The following ABCD2 variants were observed in gnomAD, a reference collection of about 807,000 sequenced individuals.
ABCD2 encodes ATP-binding cassette sub-family D member 2.
In ABCD2, 36 loss-of-function variants were observed where a neutral mutation model predicts 70.9. The ratio of observed to expected loss-of-function variants is 0.51; its 90% CI spans 0.39 to 0.67. The LOEUF (loss-of-function observed/expected upper bound fraction) is 0.67. ABCD2 is among the 30% of genes least tolerant of loss of function. The probability of loss-of-function intolerance (pLI) is 0.00; values close to 1 mark genes in which losing one functional copy is unlikely to be tolerated. For missense variants in ABCD2, 729 were observed against 890.2 expected (o/e 0.82, Z 2.30); for synonymous variants, 304 against 306.9 (o/e 0.99, Z 0.10).
rs1255965968 is a variant in ABCD2, at chr12:39,552,072, T to G, written c.*1840A>C. On this transcript the variant is annotated 3_prime_UTR_variant, in exon 10 of 10. Transcript: ENST00000308666. ...TTCTTAAAAAAAAATCTTTAATTCC[T>G]GCCTCACTTTTCTAACAGGAAATAT... 6.6e-6 allele frequency: 1 copy of G among 151,900 alleles called. No homozygotes were observed. The highest frequency in any genetic ancestry group is 6.6e-5 in the Admixed American group (1 of 15,234). The allele number at this position is 151,900 out of a possible 1,614,324, so 9.4% of individuals were successfully genotyped here.
chr12:39,578,575 G>A (rs1016528726), intron 8 of ABCD2, among the ~76,000 whole-genome samples: 1 of 151,634 alleles, frequency 6.6e-6, no homozygotes, highest in Non-Finnish European at 1.5e-5. Context: ...GTTGGGAGGG[G>A]GAATGGAATG....
In ABCD2 at chr12:39,553,844, C is replaced by G. The variant is rs878943803; in HGVS notation, c.*68G>C. The G allele has an allele frequency of 9.9e-5, 116 of 1,168,192 alleles. 1 individual carries two copies. In the South Asian group the frequency reaches 1.0e-3, roughly 11 times the overall value. The allele number at this position is 1,168,192 out of a possible 1,614,324, so 72.4% of individuals were successfully genotyped here. Reference sequence around the variant, plus strand: ...TCTCTGTGCTTAGCTTAACATACTTCATGCAGTATAACAGAATGTCTTTGA... The same window carrying G: ...TCTCTGTGCTTAGCTTAACATACTTGATGCAGTATAACAGAATGTCTTTGA... On this transcript the variant is annotated 3_prime_UTR_variant, in exon 10 of 10. Transcript: ENST00000308666.
rs1941567127 is a variant in ABCD2 at position 39,579,527 on chromosome 12, A to G, written c.1877+8T>C. 2.5e-6 allele frequency: 4 copies of G among 1,605,312 alleles called. No homozygotes were observed. Among genetic ancestry groups the G allele is most frequent in the African/African-American group, 1.3e-5 (1 of 74,838 alleles). ...GGCCTAGTAGTTACCTGAATTTAGTATACTTACTTATGATAAAACATACGA... is the reference window on the plus strand; with the variant it reads ...GGCCTAGTAGTTACCTGAATTTAGTGTACTTACTTATGATAAAACATACGA... On this transcript the variant is annotated splice_region_variant and intron_variant, in intron 8 of 9. Transcript: ENST00000308666.
Position 39,619,585 on chromosome 12 carries a change from G to A in ABCD2, c.31C>T (p.Arg11Ter). Residue 11 changes from arginine (R) to a stop codon, truncating the protein, a stop_gained, in exon 1 of 10, where the codon CGA becomes TGA. Coordinates refer to ENST00000308666, the MANE Select transcript of ABCD2 (RefSeq NM_005164.4). LOFTEE classifies it high-confidence loss of function. ...GCACTCGATCTGGTCCATTTCACTC[G>A]ATCAGCTGCTGCATTTAGCATATGT... MTHMLNAAAD[R>*]VKWTRSSAAK... 1.2e-6 allele frequency: 2 copies of A among 1,610,286 alleles called. No homozygotes were observed. The highest frequency in any genetic ancestry group is 1.7e-6 in the Non-Finnish European group (2 of 1,179,888).
In ABCD2 at chr12:39,586,301, T is replaced by C; in HGVS notation, c.1647-4A>G. On this transcript the variant is annotated splice_polypyrimidine_tract_variant and splice_region_variant and intron_variant, in intron 6 of 9. Coordinates refer to ENST00000308666, the MANE Select transcript of ABCD2 (RefSeq NM_005164.4). The stretch of plus-strand genomic sequence containing the variant: ...ACTTCCAAGAGACATATATGGCCTT[T>C]AAAACACCAAGCACACAAGAATCCT... 1.2e-6 allele frequency: 2 copies of C among 1,607,302 alleles called. No individual in the cohort carries two copies. Among genetic ancestry groups the C allele is most frequent in the South Asian group, 2.2e-5 (2 of 89,548 alleles).
the ABCD2 span, among the ~76,000 whole-genome samples, chr12:39,533,119 C>T: frequency 3.3e-5 from 5 of 151,720 alleles, no homozygotes; most frequent in Non-Finnish European, 5.9e-5. Context: ...GAGCCGAGAT[C>T]GTGTCATTGC....
At chr12:39,565,490 AC>A (rs1182008090) in intron 9 of ABCD2, among the ~76,000 whole-genome samples, 3 of 152,138 alleles carry the variant, frequency 2.0e-5, no homozygotes, top group African/African-American at 7.2e-5. Flanking sequence ...GTATCCTGAG[AC>A]TTTGCTGAAG....
downstream of ABCD2, among the ~76,000 whole-genome samples, chr12:39,545,677 A>G (rs1941019153): frequency 6.6e-6 from 1 of 152,210 alleles, no homozygotes; most frequent in Non-Finnish European, 1.5e-5. Flanking sequence ...TGTTGTGATC[A>G]GGTCTTGTGG....
At chr12:39,612,029 GA>G (rs1942051729) in intron 2 of ABCD2, among the ~76,000 whole-genome samples, 1 of 152,026 alleles carries the variant, frequency 6.6e-6, no homozygotes, top group Non-Finnish European at 1.5e-5. Flanking sequence ...TGCAAAGTAA[GA>G]CCACAGTGAA....
chr12:39,555,081 G>A (rs73096521), intron 9 of ABCD2, among the ~76,000 whole-genome samples: 1,667 of 151,868 alleles, frequency 0.011, 36 homozygotes, highest in African/African-American at 0.036. Flanking sequence ...CCTTTAAAGC[G>A]TAAAATTCGA....
Position 39,550,037 on chromosome 12 carries a change from GA to G in ABCD2, c.*3874del. On this transcript the variant is annotated 3_prime_UTR_variant, in exon 10 of 10. Coordinates refer to ENST00000308666, the MANE Select transcript of ABCD2 (RefSeq NM_005164.4). ...TTTTCAATGGTCACAAGCATCTTCG[GA>G]CAGGGACCAAATTTTATTTAGTAAT... 1 of 151,816 alleles carries G rather than the reference GA, an allele frequency of 6.6e-6. No individual in the cohort carries two copies. The highest frequency in any genetic ancestry group is 1.9e-4 in the East Asian group (1 of 5,182). The allele number at this position is 151,816 out of a possible 1,614,324, so 9.4% of individuals were successfully genotyped here.
intron 2 of ABCD2, among the ~76,000 whole-genome samples, chr12:39,613,901 T>C (rs117693130): frequency 1.3e-5 from 2 of 152,182 alleles, no homozygotes; most frequent in East Asian, 1.9e-4. Context: ...AAATCTGCAA[T>C]AGAATTATTT....
intron 8 of ABCD2, 132 bp downstream of exon 8, chr12:39,579,403 C>G (rs1318511327): frequency 1.5e-6 from 1 of 647,172 alleles, no homozygotes; most frequent in Non-Finnish European, 2.7e-6. Context: ...ACTCTATGCA[C>G]TAATTTTGTA....
chr12:39,559,831 G>A (rs181745471), intron 9 of ABCD2, among the ~76,000 whole-genome samples: 35 of 152,202 alleles, frequency 2.3e-4, no homozygotes, highest in African/African-American at 8.4e-4. Context: ...CTAAGCTGAG[G>A]GGCTTTATCA....
intron 9 of ABCD2, among the ~76,000 whole-genome samples, chr12:39,563,797 C>T (rs1378056741): frequency 6.6e-6 from 1 of 152,116 alleles, no homozygotes; most frequent in African/African-American, 2.4e-5. Context: ...TCACAACAGG[C>T]CCCTGTGTGT....
At chr12:39,592,705 AT>A (rs1235275113) in intron 6 of ABCD2, among the ~76,000 whole-genome samples, 2 of 152,312 alleles carry the variant, frequency 1.3e-5, no homozygotes, top group Admixed American at 1.3e-4. Flanking sequence ...GCCACATCAC[AT>A]TCCTCCTTTA....
intron 7 of ABCD2, among the ~76,000 whole-genome samples, chr12:39,580,331 A>C (rs923833667): frequency 6.6e-6 from 1 of 152,146 alleles, no homozygotes; most frequent in African/African-American, 2.4e-5. Context: ...CATGCATGCT[A>C]TCTCTTAAAA....
chr12:39,578,473 CAA>C (rs397850133), intron 8 of ABCD2, among the ~76,000 whole-genome samples: 76 of 67,054 alleles, frequency 1.1e-3, no homozygotes, highest in African/African-American at 3.1e-3. Flanking sequence ...GACTCCGTCT[CAA>C]AAAAAAAAAA....
At chr12:39,586,049 C>T (rs1011066584) in intron 7 of ABCD2, 103 bp downstream of exon 7, 20 of 1,063,622 alleles carry the variant, frequency 1.9e-5, no homozygotes, top group Non-Finnish European at 2.6e-5. Context: ...TGCTTATTTC[C>T]GATTATAGCA....
Sources: allele counts gnomAD v4.1 joint callset (sites outside exome capture counted in the v4.1 genomes callset), GRCh38; gene constraint gnomAD v4.1.1; transcripts MANE v1.5; gene names NCBI Gene and HGNC (gene_info 2026-07-23, HGNC 2026-07-21).